Variants in PPP1R3F observed in about 807,000 individuals in gnomAD.
PPP1R3F encodes protein phosphatase 1 regulatory subunit 3F.
PPP1R3F carries 29 observed loss-of-function variants against 24.2 expected under a neutral mutation model. The ratio of observed to expected loss-of-function variants is 1.20; its 90% CI spans 0.89 to 1.63. PPP1R3F has a LOEUF of 1.63. Ranked by LOEUF, PPP1R3F falls within the 40% of genes most tolerant of loss-of-function variation. The pLI is 0.00. For synonymous variants in PPP1R3F, 363 were observed against 340.1 expected, an observed-to-expected ratio of 1.07 and a Z score of -0.74; for missense variants, 823 against 729.3, an observed-to-expected ratio of 1.13 and a Z score of -1.48.
At chrX:49,300,460 A>G (rs1557123233) in intron 3 of PPP1R3F, among the ~76,000 whole-genome samples, 2 of 91,760 alleles carry the variant, frequency 2.2e-5, no homozygotes, top group African/African-American at 8.7e-5. Context: ...CTATTTGGCC[A>G]TCTTGCTATT....
chrX:49,289,473 A>C (rs782737092), downstream of PPP1R3F, among the ~76,000 whole-genome samples: 5 of 112,020 alleles, frequency 4.5e-5, no homozygotes. Context: ...GTATAATGAG[A>C]ATGGAAGATC....
chrX:49,269,915 C>T lies in PPP1R3F; in HGVS notation c.46C>T (p.Pro16Ser). ...PVEPPLRHSA[P>S]PSPAAGEPRT... is the part of the protein sequence containing the mutation. Reference sequence around the variant, plus strand: ...GGAGCCCCCGCTGCGGCATTCCGCGCCCCCCTCGCCGGCCGCGGGTGAGCC... The same window carrying T: ...GGAGCCCCCGCTGCGGCATTCCGCGTCCCCCTCGCCGGCCGCGGGTGAGCC... Residue 16 changes from proline to serine, a missense_variant, in exon 1 of 4, where the codon CCC becomes TCC. Coordinates refer to ENST00000055335, the MANE Select transcript of PPP1R3F (RefSeq NM_033215.5). The T allele has an allele frequency of 2.2e-6, 2 of 905,866 alleles. No homozygotes were observed. Among genetic ancestry groups the T allele is most frequent in the Non-Finnish European group, 2.7e-6 (2 of 735,531 alleles). 74.7% of individuals were successfully genotyped at this position (905,866 alleles called of 1,213,427 possible).
At chrX:49,291,316 C>CTCTCTCTCTCTCTCTCTCTCTCTG (rs782097550), downstream of PPP1R3F, among the ~76,000 whole-genome samples, 18 of 88,375 alleles carry the variant, frequency 2.0e-4, no homozygotes, top group African/African-American at 4.9e-4. Context: ...CTCTCTCTCT[C>CTCTCTCTCTCTCTCTCTCTCTCTG]TCTCTCTCTC....
chrX:49,270,445 C>A lies in PPP1R3F; in HGVS notation c.576C>A (p.Cys192Ter). Residue 192 changes from cysteine to a stop codon, truncating the protein, a stop_gained, in exon 1 of 4, where the codon TGC becomes TGA. Transcript: ENST00000055335. LOFTEE classifies it high-confidence loss of function. ...RASHDGWASFCDHPARYVPRS... is the reference protein window; with the variant it reads ...RASHDGWASF ...CACACGACGGCTGGGCTTCCTTTTG[C>A]GACCACCCAGCGCGCTACGTCCCGC... 1 of 1,197,788 alleles carries A rather than the reference C, an allele frequency of 8.3e-7. No homozygotes were observed. The highest frequency in any genetic ancestry group is 3.0e-5 in the East Asian group (1 of 33,604).
intron 3 of PPP1R3F, among the ~76,000 whole-genome samples, chrX:49,283,477 T>G (rs1276063287): frequency 1.8e-5 from 2 of 111,774 alleles, no homozygotes; most frequent in Non-Finnish European, 3.8e-5. Context: ...TTAAGAATTC[T>G]TAACCCCACA....
intron 3 of PPP1R3F, among the ~76,000 whole-genome samples, chrX:49,283,218 A>G (rs782211828): frequency 9.0e-6 from 1 of 110,550 alleles, no homozygotes; most frequent in Non-Finnish European, 1.9e-5. Context: ...CATCCCATCC[A>G]TAAATACTTC....
At chrX:49,279,169 C>T (rs2068959870) in intron 1 of PPP1R3F, among the ~76,000 whole-genome samples, 2 of 111,476 alleles carry the variant, frequency 1.8e-5, no homozygotes, top group Admixed American at 9.5e-5. Context: ...ATGGGAGGAT[C>T]GCTTGAGTCC....
rs1232071212 is a variant in PPP1R3F, at chrX:49,270,600, C to T, written c.731C>T (p.Ala244Val). 23 of 1,204,161 alleles carry T rather than the reference C, an allele frequency of 1.9e-5. No homozygotes were observed. The highest frequency in any genetic ancestry group is 2.3e-5 in the Non-Finnish European group (21 of 894,264). The change falls in exon 1 of 4, where the codon GCC (alanine) becomes GTC (valine). Residue 244 changes from alanine to valine, a missense_variant. Coordinates refer to ENST00000055335, the MANE Select transcript of PPP1R3F (RefSeq NM_033215.5). ...GACGGCGGCCGCACCGACCGCTTTGCCTTCCAGCTGCCCTTTGCTGAGGGC... is the reference window on the plus strand; with the variant it reads ...GACGGCGGCCGCACCGACCGCTTTGTCTTCCAGCTGCCCTTTGCTGAGGGC... ...PDDGGRTDRF[A>V]FQLPFAEGAG...
exon 4 of PPP1R3F, chrX:49,301,365 C>T (rs782743892): frequency 7.5e-5 from 46 of 615,026 alleles, no homozygotes; most frequent in Non-Finnish European, 6.2e-5. Flanking sequence ...AAAGCAATCA[C>T]GGAGTTAAAA....
Position 49,279,406 on chromosome X carries a change from G to A in PPP1R3F, c.1005-2000G>A, listed in dbSNP as rs1171615127. 4.5e-5 allele frequency among the ~76,000 whole-genome samples: 5 copies of A among 111,165 alleles called. No homozygotes were observed. In the South Asian group the frequency reaches 1.5e-3, roughly 34 times the overall value. ...GTTTTCAAAAAGTTTCAACCAGGCCGGGCACGGTGGCTCATGCCTGTAACC... is the reference window on the plus strand; with the variant it reads ...GTTTTCAAAAAGTTTCAACCAGGCCAGGCACGGTGGCTCATGCCTGTAACC... On this transcript the variant is annotated intron_variant, in intron 1 of 3. Transcript: ENST00000055335.
intron 1 of PPP1R3F, among the ~76,000 whole-genome samples, chrX:49,277,776 T>C (rs1454220216): frequency 1.8e-5 from 2 of 112,319 alleles, no homozygotes; most frequent in African/African-American, 6.5e-5. Context: ...ACCAGCGTGG[T>C]TGTGTAGTCA....
At chrX:49,277,153 C>G (rs943009345) in intron 1 of PPP1R3F, among the ~76,000 whole-genome samples, 1 of 112,907 alleles carries the variant, frequency 8.9e-6, no homozygotes, top group Admixed American at 9.3e-5. Context: ...CTCACCCGCT[C>G]GCTTACTCTG....
intron 1 of PPP1R3F, among the ~76,000 whole-genome samples, chrX:49,276,982 G>C: frequency 8.9e-6 from 1 of 112,544 alleles, no homozygotes; most frequent in Non-Finnish European, 1.9e-5. Flanking sequence ...GGTCTGCTGA[G>C]TTTCCCTTTG....
downstream of PPP1R3F, among the ~76,000 whole-genome samples, chrX:49,292,736 A>G (rs2066312482): frequency 1.8e-5 from 2 of 112,293 alleles, no homozygotes; most frequent in Non-Finnish European, 3.8e-5. Context: ...CTGTGGGGTG[A>G]GGCACGCCCC....
chrX:49,272,198 C>T lies in PPP1R3F; in HGVS notation c.1004+1325C>T, dbSNP rs187920641. Among the ~76,000 whole-genome samples the T allele has an allele frequency of 5.3e-4, 59 of 112,057 alleles. No homozygotes were observed. In the East Asian group the frequency reaches 0.016, roughly 30 times the overall value. On this transcript the variant is annotated intron_variant, in intron 1 of 3. Transcript: ENST00000055335. ...AAAGGTCTAGCTCCGGTCTGGTGGGCAGATGTGCCTGGGTAACTGAGCAGG... is the reference window on the plus strand; with the variant it reads ...AAAGGTCTAGCTCCGGTCTGGTGGGTAGATGTGCCTGGGTAACTGAGCAGG...
downstream of PPP1R3F, among the ~76,000 whole-genome samples, chrX:49,292,525 C>G (rs1396577190): frequency 8.9e-6 from 1 of 112,368 alleles, no homozygotes; most frequent in Non-Finnish European, 1.9e-5. Flanking sequence ...CCCAACAGAG[C>G]CTGGGGCTCA....
rs782025824 is a variant in PPP1R3F, at chrX:49,286,373, G to T, written c.1683G>T (p.Gly561=). ...EEITLHYARL[G]RGVELIKDTE... ...TCACGCTGCACTATGCCCGGCTGGGGCGTGGCGTGGAGCTCATCAAGGACA... is the reference window on the plus strand; with the variant it reads ...TCACGCTGCACTATGCCCGGCTGGGTCGTGGCGTGGAGCTCATCAAGGACA... The change falls in exon 4 of 4, where the codon GGG becomes GGT. Residue 561 remains glycine (G), a synonymous_variant. Transcript: ENST00000055335. 1.0e-5 allele frequency: 12 copies of T among 1,191,452 alleles called. No homozygotes were observed. In the East Asian group the frequency reaches 3.3e-4, roughly 33 times the overall value.
Position 49,270,728 on chromosome X carries a change from A to G in PPP1R3F, c.859A>G (p.Ile287Val). Residue 287 changes from isoleucine to valine, a missense_variant, in exon 1 of 4, where the codon ATC (isoleucine) becomes GTC (valine). Physicochemically the swap from Ile to Val is conservative, Grantham distance 29 (BLOSUM62 3). Coordinates refer to ENST00000055335, the MANE Select transcript of PPP1R3F (RefSeq NM_033215.5). ...HGRNYTVLLRIAPAPTPTDAE... is the reference protein window; with the variant it reads ...HGRNYTVLLRVAPAPTPTDAE... ...CCGCAACTACACAGTCCTGCTCCGGATCGCACCCGCTCCCACACCCACTGA... is the reference window on the plus strand; with the variant it reads ...CCGCAACTACACAGTCCTGCTCCGGGTCGCACCCGCTCCCACACCCACTGA... 1 of 1,205,547 alleles carries G rather than the reference A, an allele frequency of 8.3e-7. No individual in the cohort carries two copies.
Position 49,270,040 on chromosome X carries a change from G to T in PPP1R3F, c.171G>T (p.Trp57Cys), listed in dbSNP as rs1479873782. ...CGCAGTTGCGCCGCTACCGGCCGTG[G>T]GGCGGGCCCGGGGCGGGCAAGATGG... is the stretch of plus-strand genomic sequence containing the variant. The part of the protein sequence containing the change: ...PLAQLRRYRP[W>C]GGPGAGKMAA... The change falls in exon 1 of 4, where the codon TGG (tryptophan) becomes TGT (cysteine). Residue 57 changes from tryptophan (W) to cysteine (C), a missense_variant. Coordinates refer to ENST00000055335, the MANE Select transcript of PPP1R3F (RefSeq NM_033215.5). 7 of 954,416 alleles carry T rather than the reference G, an allele frequency of 7.3e-6. No homozygotes were observed. The highest frequency in any genetic ancestry group is 9.1e-6 in the Non-Finnish European group (7 of 768,499). The allele number at this position is 954,416 out of a possible 1,213,427, so 78.7% of individuals were successfully genotyped here.
Sources: gnomAD v4.1 joint callset for allele counts (sites outside exome capture counted in the v4.1 genomes callset) on GRCh38, gnomAD v4.1.1 for gene constraint, MANE v1.5 for transcripts, NCBI Gene and HGNC (gene_info 2026-07-23, HGNC 2026-07-21) for gene names.